Variants in CENPE observed in about 807,000 individuals in gnomAD.
The protein encoded by CENPE is centromere protein E.
Under a neutral mutation model 336.1 loss-of-function variants are expected in CENPE, and 145 were observed. The ratio of observed to expected loss-of-function variants is 0.43; its 90% CI spans 0.38 to 0.50. The LOEUF (loss-of-function observed/expected upper bound fraction) is 0.50, where lower values mean the gene tolerates loss of function less well. Ranked by LOEUF, CENPE falls within the 20% of genes least tolerant of loss-of-function variation. The pLI is 0.00. For synonymous variants in CENPE, 1,013 were observed against 984.8 expected (o/e 1.03, Z -0.54); for missense variants, 2,719 against 3,023.3 (o/e 0.90, Z 2.36).
In CENPE at chr4:103,138,260, T is replaced by A. The variant is rs1752237443; in HGVS notation, c.6303+91A>T. ...AAAAATACTGAGCACTATCTATTTA[T>A]TCCAGAGGTTCCTTCAATCCCACTT... On this transcript the variant is annotated intron_variant, in intron 39 of 48. Transcript: ENST00000265148. The A allele has an allele frequency of 7.3e-6, 6 of 824,900 alleles. No individual in the cohort carries two copies. In the South Asian group the frequency reaches 8.5e-5, roughly 12 times the overall value. 51.1% of individuals were successfully genotyped at this position (824,900 alleles called of 1,614,324 possible). A position where few individuals can be genotyped will look rare whatever the true frequency, so the allele number is the denominator to read the frequency against.
chr4:103,136,194 T>G lies in CENPE; in HGVS notation c.6469A>C (p.Thr2157Pro). The G allele has an allele frequency of 1.2e-6, 2 of 1,613,920 alleles. No individual in the cohort carries two copies. Among genetic ancestry groups the G allele is most frequent in the South Asian group, 2.2e-5 (2 of 91,078 alleles). The change falls in exon 40 of 49, where the codon ACT becomes CCT. Residue 2157 changes from threonine (T) to proline (P), a missense_variant. By Grantham distance (38) the Thr-to-Pro change is conservative (BLOSUM62 -1). Transcript: ENST00000265148. ...TCCATGGAGCATCTCTGGTTTGCAG[T>G]AAAAAGTTTTTCAATGTGTTTGGTT... ...LQTKHIEKLF[T>P]ANQRCSMEFH...
intron 24 of CENPE, 71 bp downstream of exon 24, chr4:103,158,229 G>T: frequency 3.7e-6 from 4 of 1,090,462 alleles, no homozygotes; most frequent in Non-Finnish European, 5.1e-6. Flanking sequence ...AGAATATTAT[G>T]CATTTAAGTA....
intron 43 of CENPE, among the ~76,000 whole-genome samples, chr4:103,122,155 G>A (rs1048355384): frequency 7.9e-5 from 12 of 152,100 alleles, no homozygotes; most frequent in South Asian, 4.1e-4. Flanking sequence ...GGTCTGTAAT[G>A]CCCTACAAAT....
chr4:103,185,666 T>C, intron 9 of CENPE, 144 bp downstream of exon 9: 1 of 495,082 alleles, frequency 2.0e-6, no homozygotes, highest in East Asian at 3.3e-5. Flanking sequence ...GTTAAACTTT[T>C]ATCAGAAAAT....
chr4:103,183,640 C>A (rs1756506002), intron 9 of CENPE, among the ~76,000 whole-genome samples: 2 of 152,108 alleles, frequency 1.3e-5, no homozygotes, highest in African/African-American at 2.4e-5. Context: ...GAACTTACAA[C>A]CAAATTAGCC....
intron 13 of CENPE, among the ~76,000 whole-genome samples, chr4:103,179,477 C>T (rs1037703652): frequency 6.6e-6 from 1 of 152,212 alleles, no homozygotes; most frequent in Non-Finnish European, 1.5e-5. Context: ...TTCTCTAGGT[C>T]TTTCATTGGG....
chr4:103,112,389 G>A (rs569626997), intron 46 of CENPE, among the ~76,000 whole-genome samples: 15 of 143,470 alleles, frequency 1.0e-4, no homozygotes, highest in Non-Finnish European at 1.7e-4. Flanking sequence ...ACATGTGCAC[G>A]CACAAATATA....
chr4:103,144,640 T>A, intron 32 of CENPE, 22 bp from the exon 33 acceptor site: 1 of 1,551,962 alleles, frequency 6.4e-7, no homozygotes, highest in Admixed American at 1.9e-5. Context: ...ATAAAGTAAG[T>A]TACAACATAG....
Position 103,132,905 on chromosome 4 carries a change from AAAAT to A in CENPE, c.6721-13_6721-10del, listed in dbSNP as rs747958172. The A allele has an allele frequency of 7.7e-7, 1 of 1,301,998 alleles. No homozygotes were observed. The highest frequency in any genetic ancestry group is 1.0e-6 in the Non-Finnish European group (1 of 980,032). The allele number at this position is 1,301,998 out of a possible 1,614,324, so 80.7% of individuals were successfully genotyped here. Reference sequence around the variant, plus strand: ...AAATCTTTGAGAATTTCCTGTGTGAAAAATAAGCGTCAAATTGTTTAAACATTAG... The same window carrying A: ...AAATCTTTGAGAATTTCCTGTGTGAAAAGCGTCAAATTGTTTAAACATTAG... On this transcript the variant is annotated splice_polypyrimidine_tract_variant and intron_variant, in intron 41 of 48. Coordinates refer to ENST00000265148, the MANE Select transcript of CENPE (RefSeq NM_001813.3).
At chr4:103,191,631 C>T (rs60160658) in intron 8 of CENPE, among the ~76,000 whole-genome samples, 1,474 of 133,722 alleles carry the variant, frequency 0.011, 21 homozygotes, top group African/African-American at 0.036. Flanking sequence ...GGGAACATCA[C>T]ACACCGGGGC....
rs370048399 is a variant in CENPE at position 103,141,014 on chromosome 4, G to A, written c.5554C>T (p.Leu1852=). 157 of 1,606,302 alleles carry A rather than the reference G, an allele frequency of 9.8e-5. No homozygotes were observed. Among genetic ancestry groups the A allele is most frequent in the Non-Finnish European group, 1.3e-4 (155 of 1,174,308 alleles). Residue 1852 remains leucine, a synonymous_variant, in exon 36 of 49, where the codon CTA becomes TTA. Transcript: ENST00000265148. ...TQKKVSEMEQ[L]KKQIKDQSLT... is the part of the protein sequence containing the mutation. ...CTTTGGTCTTTTATTTGTTTCTTTA[G>A]TTGCTCCATTTCAGACACTTTTTTC...
At chr4:103,198,048 G>A (rs1343950286) in intron 1 of CENPE, among the ~76,000 whole-genome samples, 5 of 152,238 alleles carry the variant, frequency 3.3e-5, no homozygotes, top group African/African-American at 1.2e-4. Context: ...GCGAGACTGA[G>A]TTAAATTTAA....
At chr4:103,153,298 A>G in intron 24 of CENPE, 48 bp from the exon 25 acceptor site, 1 of 1,250,716 alleles carries the variant, frequency 8.0e-7, no homozygotes. Context: ...AGTTAACAAC[A>G]ACTTTAAAAA....
At chr4:103,191,635 C>T (rs578030954) in intron 8 of CENPE, among the ~76,000 whole-genome samples, 2 of 125,968 alleles carry the variant, frequency 1.6e-5, no homozygotes, top group Non-Finnish European at 3.2e-5. Context: ...ACATCACACA[C>T]CGGGGCCTGT....
intron 13 of CENPE, 136 bp from the exon 14 acceptor site, chr4:103,177,182 C>T (rs1755942714): frequency 1.5e-6 from 1 of 646,642 alleles, no homozygotes; most frequent in South Asian, 2.3e-5. Flanking sequence ...TTTTATTAGT[C>T]TAAGGATATT....
chr4:103,126,586 G>T (rs1372517840), intron 42 of CENPE, among the ~76,000 whole-genome samples: 1 of 152,166 alleles, frequency 6.6e-6, no homozygotes, highest in Admixed American at 6.5e-5. Flanking sequence ...GACTGAATAA[G>T]CATCAGAACC....
chr4:103,186,072 A>G (rs1756742637), intron 8 of CENPE, among the ~76,000 whole-genome samples: 1 of 152,168 alleles, frequency 6.6e-6, no homozygotes, highest in South Asian at 2.1e-4. Flanking sequence ...TGCCACCAGT[A>G]TAGGTTCTGT....
intron 1 of CENPE, 121 bp from the exon 2 acceptor site, chr4:103,196,971 G>A: frequency 1.5e-6 from 1 of 655,674 alleles, no homozygotes; most frequent in Non-Finnish European, 2.7e-6. Flanking sequence ...GAGAATGACA[G>A]AAAGTCCATC....
At position 103,149,382 on chromosome 4, in the gene CENPE, T is replaced by C; in HGVS notation, c.3423A>G (p.Gln1141=). The change falls in exon 27 of 49, where the codon CAA becomes CAG. Residue 1141 remains glutamine (Q), a synonymous_variant. Coordinates refer to ENST00000265148, the MANE Select transcript of CENPE (RefSeq NM_001813.3). ...EKSQQLQEKQ[Q]QLLNVQEEMS... ...TCTCTTCTTGTACATTAAGAAGTTG[T>C]TGCTGTTTTTCTTGGAGTTGCTGGC... The C allele has an allele frequency of 6.4e-7, 1 of 1,571,494 alleles. No individual in the cohort carries two copies.
Sources: allele counts gnomAD v4.1 joint callset (sites outside exome capture counted in the v4.1 genomes callset), GRCh38; gene constraint gnomAD v4.1.1; transcripts MANE v1.5; gene names NCBI Gene and HGNC (gene_info 2026-07-23, HGNC 2026-07-21).